The following CASR variants were observed in gnomAD, a reference collection of about 807,000 sequenced individuals.
CASR encodes extracellular calcium-sensing receptor.
In CASR, 23 loss-of-function variants were observed where a neutral mutation model predicts 69.1. That is an observed-to-expected ratio of 0.33 (90% CI 0.24 to 0.47). CASR has a LOEUF of 0.47. CASR is among the 20% of genes least tolerant of loss of function. The pLI is 1.00. For missense variants in CASR, 924 were observed against 1,356.1 expected, an observed-to-expected ratio of 0.68 and a Z score of 5.00; for synonymous variants, 541 against 544.7, an observed-to-expected ratio of 0.99 and a Z score of 0.10.
rs1376332397 is a variant in CASR, at chr3:122,287,516, A to T, written c.*2325A>T. The T allele has an allele frequency of 6.6e-6, 1 of 152,236 alleles. No homozygotes were observed. Among genetic ancestry groups the T allele is most frequent in the Non-Finnish European group, 1.5e-5 (1 of 68,040 alleles). 9.4% of individuals were successfully genotyped at this position (152,236 alleles called of 1,614,324 possible). On this transcript the variant is annotated 3_prime_UTR_variant, in exon 7 of 7. Coordinates refer to ENST00000639785, the MANE Select transcript of CASR (RefSeq NM_000388.4). Reference sequence around the variant, plus strand: ...TTAGTCGAATCGGGGTTTTCACAGTAACCTCAGTGTTTTCTGAGCCAATTT... The same window carrying T: ...TTAGTCGAATCGGGGTTTTCACAGTTACCTCAGTGTTTTCTGAGCCAATTT...
Position 122,202,011 on chromosome 3 carries a change from T to C in CASR, c.-243+18199T>C, listed in dbSNP as rs1417431401. 3.3e-5 allele frequency among the ~76,000 whole-genome samples: 5 copies of C among 152,000 alleles called. No individual in the cohort carries two copies. The East Asian group carries it at 5.8e-4, about 18-fold the overall frequency. On this transcript the variant is annotated intron_variant, in intron 1 of 6. Coordinates refer to ENST00000639785, the MANE Select transcript of CASR (RefSeq NM_000388.4). Reference sequence around the variant, plus strand: ...GCAGAGACGCTCCTCACTTCCCAGATGGGGTGGCAGCCGGGCAGAGGCTGC... The same window carrying C: ...GCAGAGACGCTCCTCACTTCCCAGACGGGGTGGCAGCCGGGCAGAGGCTGC...
At chr3:122,273,701 G>A (rs940105409) in intron 4 of CASR, among the ~76,000 whole-genome samples, 2 of 152,172 alleles carry the variant, frequency 1.3e-5, no homozygotes, top group African/African-American at 2.4e-5. Flanking sequence ...GGAGGGGCAC[G>A]ATTACAGCAT....
At chr3:122,263,912 A>G (rs2074656806) in intron 4 of CASR, among the ~76,000 whole-genome samples, 1 of 152,142 alleles carries the variant, frequency 6.6e-6, no homozygotes, top group Non-Finnish European at 1.5e-5. Context: ...GGTGGTTGTT[A>G]CTATTGTCTT....
Position 122,259,791 on chromosome 3 carries a change from G to A in CASR, c.493-1737G>A, listed in dbSNP as rs369810959. Among the ~76,000 whole-genome samples the A allele has an allele frequency of 2.4e-3, 365 of 152,012 alleles. 4 individuals carry two copies. The highest frequency in any genetic ancestry group is 8.0e-3 in the African/African-American group (332 of 41,472). On this transcript the variant is annotated intron_variant, in intron 3 of 6. Coordinates refer to ENST00000639785, the MANE Select transcript of CASR (RefSeq NM_000388.4). The stretch of plus-strand genomic sequence containing the variant: ...ACTACAGGCGCCCGCCACCACGCCC[G>A]GCTAATTTTTTGTATTTTTAGTCGA...
chr3:122,195,072 T>C (rs1348844866), intron 1 of CASR, among the ~76,000 whole-genome samples: 1 of 151,130 alleles, frequency 6.6e-6, no homozygotes, highest in East Asian at 1.9e-4. Context: ...CCCTTCTCCA[T>C]CTTTCTGAGG....
chr3:122,251,113 T>TG (rs541123999), intron 1 of CASR, among the ~76,000 whole-genome samples: 1 of 152,174 alleles, frequency 6.6e-6, no homozygotes, highest in Non-Finnish European at 1.5e-5. Flanking sequence ...GAGCGTCTGC[T>TG]GGGGTCATCC....
chr3:122,211,745 G>T (rs1050559222), intron 1 of CASR, among the ~76,000 whole-genome samples: 1 of 152,014 alleles, frequency 6.6e-6, no homozygotes, highest in Non-Finnish European at 1.5e-5. Context: ...AAATAAAGTG[G>T]GCAAAGGACG....
chr3:122,276,555 C>T (rs992459502), intron 5 of CASR, among the ~76,000 whole-genome samples: 1 of 152,152 alleles, frequency 6.6e-6, no homozygotes, highest in Admixed American at 6.5e-5. Flanking sequence ...GATCCCGCCT[C>T]AATGGCCAGT....
At chr3:122,188,955 T>G (rs1002770056) in intron 1 of CASR, among the ~76,000 whole-genome samples, 2 of 152,228 alleles carry the variant, frequency 1.3e-5, no homozygotes, top group African/African-American at 2.4e-5. Context: ...TGATAGTGTT[T>G]GTTGAAAAGC....
At chr3:122,276,648 G>A (rs2074824779) in intron 5 of CASR, among the ~76,000 whole-genome samples, 1 of 152,182 alleles carries the variant, frequency 6.6e-6, no homozygotes, top group African/African-American at 2.4e-5. Flanking sequence ...CACCCTCACA[G>A]CCTGGACAGT....
intron 1 of CASR, among the ~76,000 whole-genome samples, chr3:122,238,216 C>T (rs927901051): frequency 5.9e-5 from 9 of 152,162 alleles, no homozygotes; most frequent in African/African-American, 1.7e-4. Flanking sequence ...CAGCAGTGGC[C>T]GTGTGGTGCA....
At position 122,276,023 on chromosome 3, in the gene CASR, G is replaced by A. The variant is rs1260540509; in HGVS notation, c.1589G>A (p.Trp530Ter). The A allele has an allele frequency of 6.2e-7, 1 of 1,611,680 alleles. No individual in the cohort carries two copies. Among genetic ancestry groups the A allele is most frequent in the Non-Finnish European group, 8.5e-7 (1 of 1,177,880 alleles). The change falls in exon 5 of 7, where the codon TGG becomes TAG. Residue 530 changes from tryptophan to a stop codon, truncating the protein, a stop_gained. Transcript: ENST00000639785. LOFTEE classifies it high-confidence loss of function. ...TTCATCAACGAGGAGAAAATCCTGT[G>A]GAGTGGGTTCTCCAGGGAGGTAGGT... is the stretch of plus-strand genomic sequence containing the variant. ...RLFINEEKIL[W>*]SGFSREVPFS...
intron 1 of CASR, among the ~76,000 whole-genome samples, chr3:122,204,785 A>G (rs1471558569): frequency 2.0e-5 from 3 of 152,124 alleles, no homozygotes; most frequent in Non-Finnish European, 4.4e-5. Context: ...GGCTAAGATA[A>G]TATCATGTTA....
intron 1 of CASR, among the ~76,000 whole-genome samples, chr3:122,231,953 G>T (rs1230590004): frequency 6.6e-6 from 1 of 152,130 alleles, no homozygotes; most frequent in Non-Finnish European, 1.5e-5. Flanking sequence ...AGGGCTCCTG[G>T]CTGTGCACTG....
At chr3:122,225,744 A>T (rs1041954521) in intron 1 of CASR, among the ~76,000 whole-genome samples, 5 of 152,136 alleles carry the variant, frequency 3.3e-5, no homozygotes, top group African/African-American at 9.7e-5. Context: ...AAAGAAAATA[A>T]ATCATTCTAC....
At position 122,220,510 on chromosome 3, in the gene CASR, A is replaced by G. The variant is rs546694510; in HGVS notation, c.-242-33438A>G. On this transcript the variant is annotated intron_variant, in intron 1 of 6. Coordinates refer to ENST00000639785, the MANE Select transcript of CASR (RefSeq NM_000388.4). ...GCATCCTTGATAACAGTTTACCACA[A>G]TGCATTAAATAAATCATAGAACACC... Among the ~76,000 whole-genome samples, 4 of 152,360 alleles carry G rather than the reference A, an allele frequency of 2.6e-5. No individual in the cohort carries two copies. The South Asian group carries it at 6.2e-4, about 24-fold the overall frequency.
Position 122,257,356 on chromosome 3 carries a change from C to G in CASR, c.461C>G (p.Ala154Gly). ...ATGSGVSTAV[A>G]NLLGLFYIPQ... ...GGCTCAGGCGTCTCCACGGCAGTGGCAAATCTGCTGGGGCTCTTCTACATT... is the reference window on the plus strand; with the variant it reads ...GGCTCAGGCGTCTCCACGGCAGTGGGAAATCTGCTGGGGCTCTTCTACATT... The change falls in exon 3 of 7, where the codon GCA becomes GGA. Residue 154 changes from alanine to glycine, a missense_variant. Physicochemically the swap from Ala to Gly is moderately conservative, Grantham distance 60. Coordinates refer to ENST00000639785, the MANE Select transcript of CASR (RefSeq NM_000388.4). 1 of 1,614,036 alleles carries G rather than the reference C, an allele frequency of 6.2e-7. No individual in the cohort carries two copies. Among genetic ancestry groups the G allele is most frequent in the Non-Finnish European group, 8.5e-7 (1 of 1,179,928 alleles).
chr3:122,287,681 G>C lies in CASR; in HGVS notation c.*2490G>C, dbSNP rs1284883261. 6.6e-6 allele frequency: 1 copy of C among 152,356 alleles called. No individual in the cohort carries two copies. Among genetic ancestry groups the C allele is most frequent in the Non-Finnish European group, 1.5e-5 (1 of 68,140 alleles). 9.4% of individuals were successfully genotyped at this position (152,356 alleles called of 1,614,324 possible). A position where few individuals can be genotyped will look rare whatever the true frequency, so the allele number is the denominator to read the frequency against. ...AATCTTATCTGGCCTTCGCTGGCGT[G>C]CTCTGAGGCATTGTATCCTCATCTG... On this transcript the variant is annotated 3_prime_UTR_variant, in exon 7 of 7. Transcript: ENST00000639785.
At chr3:122,281,839 T>C (rs750463338) in intron 5 of CASR, among the ~76,000 whole-genome samples, 14 of 152,124 alleles carry the variant, frequency 9.2e-5, no homozygotes, top group Admixed American at 1.3e-4. Flanking sequence ...CAGATCATCA[T>C]AGAATCCCAA....
Sources: gnomAD v4.1 joint callset for allele counts (sites outside exome capture counted in the v4.1 genomes callset) on GRCh38, gnomAD v4.1.1 for gene constraint, MANE v1.5 for transcripts, NCBI Gene and HGNC (gene_info 2026-07-23, HGNC 2026-07-21) for gene names.